Variants in DSCAM observed in about 807,000 individuals in gnomAD.
DSCAM encodes cell adhesion molecule DSCAM.
Under a neutral mutation model 217.7 loss-of-function variants are expected in DSCAM, and 47 were observed. That is an observed-to-expected ratio of 0.22 (90% CI 0.17 to 0.28). DSCAM has a LOEUF of 0.28. Ranked by LOEUF, DSCAM falls within the 10% of genes least tolerant of loss-of-function variation. The pLI is 1.00. For synonymous variants in DSCAM, 1,056 were observed against 1,015.3 expected (o/e 1.04, Z -0.76); for missense variants, 2,080 against 2,618.3 (o/e 0.79, Z 4.49).
intron 26 of DSCAM, among the ~76,000 whole-genome samples, chr21:40,075,655 G>T (rs961043266): frequency 1.3e-5 from 2 of 152,202 alleles, no homozygotes; most frequent in East Asian, 1.9e-4. Flanking sequence ...GAGGGTCCTA[G>T]ATACACTGGC....
intron 13 of DSCAM, 47 bp downstream of exon 13, chr21:40,187,844 C>T: frequency 6.7e-7 from 1 of 1,503,546 alleles, no homozygotes; most frequent in Non-Finnish European, 9.3e-7. Flanking sequence ...ATACAGCTCC[C>T]ATCCTGAAAT....
intron 5 of DSCAM, among the ~76,000 whole-genome samples, chr21:40,349,155 AG>A (rs2074601524): frequency 6.8e-6 from 1 of 147,582 alleles, no homozygotes; most frequent in Non-Finnish European, 1.5e-5. Context: ...AAAAAAAAAA[AG>A]AAATGCAACA....
At chr21:40,353,124 T>G (rs1241548248) in intron 5 of DSCAM, among the ~76,000 whole-genome samples, 2 of 152,168 alleles carry the variant, frequency 1.3e-5, no homozygotes, top group African/African-American at 4.8e-5. Flanking sequence ...CTCTGTTCAT[T>G]TTTAGAGAGA....
chr21:40,607,176 A>G (rs2089250896), intron 3 of DSCAM, among the ~76,000 whole-genome samples: 1 of 152,154 alleles, frequency 6.6e-6, no homozygotes, highest in African/African-American at 2.4e-5. Flanking sequence ...CTTTTCAGAA[A>G]TCAACTAACT....
intron 4 of DSCAM, among the ~76,000 whole-genome samples, chr21:40,360,743 T>C (rs984044110): frequency 1.3e-5 from 2 of 152,232 alleles, no homozygotes; most frequent in African/African-American, 4.8e-5. Context: ...ATTTCATGTC[T>C]TTGCTATTGT....
rs569473956 is a variant in DSCAM at position 40,360,624 on chromosome 21, T to C, written c.656-6881A>G. On this transcript the variant is annotated intron_variant, in intron 4 of 32. Coordinates refer to ENST00000400454, the MANE Select transcript of DSCAM (RefSeq NM_001389.5). The stretch of plus-strand genomic sequence containing the variant: ...ATTATGGCCTCCAGCTCCATCCACA[T>C]TGCTGCAAAGAATGAGATTTCATTC... Among the ~76,000 whole-genome samples, 3 of 152,258 alleles carry C rather than the reference T, an allele frequency of 2.0e-5. No homozygotes were observed. The South Asian group carries it at 6.2e-4, about 32-fold the overall frequency.
rs1428478220 is a variant in DSCAM at position 40,509,946 on chromosome 21, A to T, written c.509-140701T>A. 2.0e-5 allele frequency among the ~76,000 whole-genome samples: 3 copies of T among 152,114 alleles called. No homozygotes were observed. In the East Asian group the frequency reaches 5.8e-4, roughly 29 times the overall value. Reference sequence around the variant, plus strand: ...GAGATCATCCTGGCTAACACAGTGAAACCCCGTCTCTACTAAATATACAAA... The same window carrying T: ...GAGATCATCCTGGCTAACACAGTGATACCCCGTCTCTACTAAATATACAAA... On this transcript the variant is annotated intron_variant, in intron 3 of 32. Transcript: ENST00000400454.
At chr21:40,792,093 C>G (rs1014060525) in intron 1 of DSCAM, among the ~76,000 whole-genome samples, 2 of 151,208 alleles carry the variant, frequency 1.3e-5, no homozygotes, top group African/African-American at 2.4e-5. Flanking sequence ...CTTCACATGG[C>G]CATCCCTCTT....
At chr21:40,808,888 G>GTCA (rs1275768967) in intron 1 of DSCAM, among the ~76,000 whole-genome samples, 57 of 152,288 alleles carry the variant, frequency 3.7e-4, no homozygotes, top group Non-Finnish European at 2.4e-4. Context: ...GACACTCTCT[G>GTCA]CTTTGTTAGG....
At chr21:40,766,031 C>T (rs1212611474) in intron 1 of DSCAM, among the ~76,000 whole-genome samples, 1 of 152,230 alleles carries the variant, frequency 6.6e-6, no homozygotes, top group Non-Finnish European at 1.5e-5. Flanking sequence ...GAGCTCGTGA[C>T]AGCTGGCAAG....
At chr21:40,046,295 C>A (rs1049097547) in intron 30 of DSCAM, among the ~76,000 whole-genome samples, 8 of 152,228 alleles carry the variant, frequency 5.3e-5, no homozygotes, top group Non-Finnish European at 1.2e-4. Flanking sequence ...AGATGGCAGC[C>A]AAAGAGATAG....
At chr21:40,200,262 C>T (rs1166544176) in intron 11 of DSCAM, among the ~76,000 whole-genome samples, 1 of 152,132 alleles carries the variant, frequency 6.6e-6, no homozygotes, top group Admixed American at 6.5e-5. Flanking sequence ...TTTCTTCTTC[C>T]CAACCTGAAA....
chr21:40,288,075 T>C (rs1188497412), intron 10 of DSCAM, among the ~76,000 whole-genome samples: 2 of 152,070 alleles, frequency 1.3e-5, no homozygotes, highest in Non-Finnish European at 2.9e-5. Context: ...AAGAACAGCA[T>C]TACCCTTGCT....
At chr21:40,324,103 C>CAAAAAAAAAA (rs71330393) in intron 8 of DSCAM, among the ~76,000 whole-genome samples, 293 of 28,012 alleles carry the variant, frequency 0.01, 1 homozygote, top group Admixed American at 0.015. Context: ...AACTCTGTCT[C>CAAAAAAAAAA]AAAAAAAAAA....
rs113081820 is a variant in DSCAM, at chr21:40,582,466, A to G, written c.508+110344T>C. 4.4e-3 allele frequency among the ~76,000 whole-genome samples: 676 copies of G among 152,344 alleles called. 6 individuals carry two copies. Among genetic ancestry groups the G allele is most frequent in the African/African-American group, 0.015 (632 of 41,588 alleles). On this transcript the variant is annotated intron_variant, in intron 3 of 32. Transcript: ENST00000400454. The stretch of plus-strand genomic sequence containing the variant: ...AACAGTCCCAGCCGAAAGGATCAAG[A>G]GCAACACATTCTTAGGTTATGTATT...
chr21:40,437,772 C>A (rs900335388), intron 3 of DSCAM, among the ~76,000 whole-genome samples: 2 of 152,244 alleles, frequency 1.3e-5, no homozygotes, highest in Non-Finnish European at 2.9e-5. Flanking sequence ...ATTACTGGAA[C>A]CTGGGAGGCA....
chr21:40,750,348 G>A (rs2091215784), intron 1 of DSCAM, among the ~76,000 whole-genome samples: 1 of 152,206 alleles, frequency 6.6e-6, no homozygotes, highest in South Asian at 2.1e-4. Flanking sequence ...CTGTAGCAGT[G>A]ATAATTGACA....
At chr21:40,013,529 A>C (rs1427528800) in intron 32 of DSCAM, 143 bp from the exon 33 acceptor site, 1 of 583,780 alleles carries the variant, frequency 1.7e-6, no homozygotes, top group African/African-American at 1.9e-5. Context: ...ATCCTCCTTC[A>C]GCGCTCACCA....
At chr21:40,773,389 G>A (rs552260677) in intron 1 of DSCAM, among the ~76,000 whole-genome samples, 11 of 152,202 alleles carry the variant, frequency 7.2e-5, no homozygotes, top group South Asian at 4.2e-4. Flanking sequence ...TTCTACCTCC[G>A]TCTTCACATG....
Sources: gnomAD v4.1 joint callset for allele counts (sites outside exome capture counted in the v4.1 genomes callset) on GRCh38, gnomAD v4.1.1 for gene constraint, MANE v1.5 for transcripts, NCBI Gene and HGNC (gene_info 2026-07-23, HGNC 2026-07-21) for gene names.